Variants in TRPC5 observed in about 807,000 individuals in gnomAD.
TRPC5 encodes short transient receptor potential channel 5.
TRPC5 carries 9 observed loss-of-function variants against 56.5 expected under a neutral mutation model. The ratio of observed to expected loss-of-function variants is 0.16; its 90% confidence interval spans 0.10 to 0.28. TRPC5 has a LOEUF of 0.28. Ranked by LOEUF, TRPC5 falls within the 10% of genes least tolerant of loss-of-function variation. The pLI is 1.00. For missense variants in TRPC5, 469 were observed against 748.9 expected, an observed-to-expected ratio of 0.63 and a Z score of 4.36; for synonymous variants, 282 against 278.5, an observed-to-expected ratio of 1.01 and a Z score of -0.13.
chrX:112,010,463 T>C (rs1363721662), intron 1 of TRPC5, among the ~76,000 whole-genome samples: 2 of 111,567 alleles, frequency 1.8e-5, no homozygotes, highest in Non-Finnish European at 3.8e-5. Context: ...AACATCATAG[T>C]GTGTACTCAT....
At chrX:111,885,187 G>A (rs1192225282) in intron 3 of TRPC5, among the ~76,000 whole-genome samples, 2 of 112,884 alleles carry the variant, frequency 1.8e-5, no homozygotes, top group Non-Finnish European at 3.7e-5. Context: ...TCTAGATAAG[G>A]CATTGCCAGG....
At chrX:112,046,563 C>A (rs151208069) in intron 1 of TRPC5, among the ~76,000 whole-genome samples, 1 of 111,062 alleles carries the variant, frequency 9.0e-6, no homozygotes, top group Admixed American at 9.6e-5. Context: ...ATGGGTCTGG[C>A]ATTTCTGTTG....
At chrX:112,012,995 T>C (rs981129894) in intron 1 of TRPC5, among the ~76,000 whole-genome samples, 7 of 111,907 alleles carry the variant, frequency 6.3e-5, no homozygotes, top group African/African-American at 2.3e-4. Context: ...TAAATAGCAG[T>C]ATTTTGCCGG....
rs974045843 is a variant in TRPC5, at chrX:111,773,690, G to C, written c.*2623C>G. ...CTTGAGCAAGTCATTGTCCTTCTCT[G>C]GGCCTCTTTATTTTCTATTTGTAAA... On this transcript the variant is annotated 3_prime_UTR_variant, in exon 11 of 11. Coordinates refer to ENST00000262839, the MANE Select transcript of TRPC5 (RefSeq NM_012471.3). Among the ~76,000 whole-genome samples, 3 of 110,897 alleles carry C rather than the reference G, an allele frequency of 2.7e-5. No homozygotes were observed. The highest frequency in any genetic ancestry group is 9.6e-5 in the Admixed American group (1 of 10,375).
intron 7 of TRPC5, among the ~76,000 whole-genome samples, chrX:111,798,716 T>C (rs1921196133): frequency 8.9e-6 from 1 of 111,857 alleles, no homozygotes. Flanking sequence ...TGCAAAAACT[T>C]TGCACTTTTT....
intron 1 of TRPC5, among the ~76,000 whole-genome samples, chrX:111,955,999 G>T (rs1927224588): frequency 3.6e-5 from 4 of 112,623 alleles, no homozygotes; most frequent in Non-Finnish European, 7.5e-5. Context: ...GGCTGCCTCA[G>T]AGGGCTTATC....
At chrX:111,841,155 G>C (rs1299582772) in intron 6 of TRPC5, among the ~76,000 whole-genome samples, 1 of 112,290 alleles carries the variant, frequency 8.9e-6, no homozygotes, top group Non-Finnish European at 1.9e-5. Context: ...AATATTGGCT[G>C]AATGATGGGT....
chrX:111,773,953 A>G lies in TRPC5; in HGVS notation c.*2360T>C, dbSNP rs538221266. 1.8e-5 allele frequency among the ~76,000 whole-genome samples: 2 copies of G among 111,716 alleles called. No individual in the cohort carries two copies. Among genetic ancestry groups the G allele is most frequent in the African/African-American group, 6.5e-5 (2 of 30,820 alleles). ...TAATAAAAATGTTGGTGTCACCAAC[A>G]TGGAAGTTAGGGCAATAGCTGTTCA... On this transcript the variant is annotated 3_prime_UTR_variant, in exon 11 of 11. Coordinates refer to ENST00000262839, the MANE Select transcript of TRPC5 (RefSeq NM_012471.3).
At chrX:111,827,889 G>A (rs930494107) in intron 7 of TRPC5, among the ~76,000 whole-genome samples, 1 of 111,052 alleles carries the variant, frequency 9.0e-6, no homozygotes, top group African/African-American at 3.3e-5. Context: ...GAGGCCCTAA[G>A]TGATCTGTCA....
intron 1 of TRPC5, among the ~76,000 whole-genome samples, chrX:111,983,610 A>G (rs1344912788): frequency 2.7e-5 from 3 of 111,559 alleles, no homozygotes; most frequent in Non-Finnish European, 3.8e-5. Flanking sequence ...ATAGCTCATG[A>G]ATTAGTATAT....
chrX:111,789,116 A>G (rs1406049360), intron 7 of TRPC5, among the ~76,000 whole-genome samples: 2 of 112,057 alleles, frequency 1.8e-5, no homozygotes, highest in African/African-American at 3.2e-5. Flanking sequence ...AAACAATCCT[A>G]AGCAAAAAGA....
chrX:111,805,862 A>T (rs1311701804), intron 7 of TRPC5, among the ~76,000 whole-genome samples: 1 of 110,262 alleles, frequency 9.1e-6, no homozygotes, highest in East Asian at 2.9e-4. Flanking sequence ...TTGTAGAGAC[A>T]GGGTTTTGCT....
intron 3 of TRPC5, among the ~76,000 whole-genome samples, chrX:111,872,932 T>G (rs1923809409): frequency 8.9e-6 from 1 of 112,394 alleles, no homozygotes; most frequent in Non-Finnish European, 1.9e-5. Context: ...GTTCAGCCAC[T>G]GTGGAAAGCA....
intron 1 of TRPC5, among the ~76,000 whole-genome samples, chrX:111,970,660 C>T (rs111493909): frequency 0.014 from 1,525 of 111,519 alleles, 27 homozygotes; most frequent in African/African-American, 0.047. Flanking sequence ...TGGTATGTAC[C>T]TCTATTTGTA....
chrX:111,788,783 G>C (rs1409043428), intron 7 of TRPC5, among the ~76,000 whole-genome samples: 1 of 111,213 alleles, frequency 9.0e-6, no homozygotes, highest in Non-Finnish European at 1.9e-5. Context: ...GACAAACAGA[G>C]AGCCAAATCA....
At chrX:111,999,227 T>C (rs1329532956) in intron 1 of TRPC5, among the ~76,000 whole-genome samples, 1 of 111,426 alleles carries the variant, frequency 9.0e-6, no homozygotes, top group Non-Finnish European at 1.9e-5. Flanking sequence ...TATCTAACTG[T>C]AGTTTTGTAT....
At chrX:111,867,927 C>T (rs1424316293) in intron 3 of TRPC5, among the ~76,000 whole-genome samples, 1 of 112,184 alleles carries the variant, frequency 8.9e-6, no homozygotes, top group African/African-American at 3.2e-5. Context: ...GTACACAGAA[C>T]CTTCTAAGTT....
At chrX:111,892,900 C>T (rs1322781136) in intron 3 of TRPC5, among the ~76,000 whole-genome samples, 1 of 111,576 alleles carries the variant, frequency 9.0e-6, no homozygotes, top group African/African-American at 3.3e-5. Flanking sequence ...GCAATTATAT[C>T]AGCTAGCATT....
intron 1 of TRPC5, among the ~76,000 whole-genome samples, chrX:111,996,671 T>C (rs1178460818): frequency 1.8e-5 from 2 of 111,910 alleles, no homozygotes; most frequent in African/African-American, 6.5e-5. Flanking sequence ...TGCTCCTGTA[T>C]TGGGTGCATA....
Sources: allele counts gnomAD v4.1 joint callset (sites outside exome capture counted in the v4.1 genomes callset), GRCh38; gene constraint gnomAD v4.1.1; transcripts MANE v1.5; gene names NCBI Gene and HGNC (gene_info 2026-07-23, HGNC 2026-07-21).